The following HMMR variants were observed in gnomAD, a reference collection of about 807,000 sequenced individuals.
HMMR encodes the protein intracellular hyaluronic acid-binding protein.
HMMR carries 108 observed loss-of-function variants against 101.0 expected under a neutral mutation model. The ratio of observed to expected loss-of-function variants is 1.07; its 90% CI spans 0.92 to 1.25. HMMR has a LOEUF of 1.25. Ranked by LOEUF, HMMR falls within the 50% of genes most tolerant of loss-of-function variation. The pLI is 0.00. For synonymous variants in HMMR, 296 were observed against 276.4 expected (o/e 1.07, Z -0.70); for missense variants, 813 against 788.7 (o/e 1.03, Z -0.37).
At chr5:163,478,821 C>T (rs751984961) in intron 12 of HMMR, 21 bp downstream of exon 12, 1 of 1,307,300 alleles carries the variant, frequency 7.6e-7, no homozygotes, top group Non-Finnish European at 1.1e-6. Context: ...TGGGAGCCTG[C>T]ACTCTTAAAT....
chr5:163,465,820 A>C (rs1398869865), intron 3 of HMMR, among the ~76,000 whole-genome samples: 1 of 151,892 alleles, frequency 6.6e-6, no homozygotes, highest in Non-Finnish European at 1.5e-5. Context: ...AATGTGCTGG[A>C]CGTGGTGGCA....
intron 3 of HMMR, chr5:163,465,047 A>G: frequency 2.3e-6 from 1 of 435,188 alleles, no homozygotes; most frequent in Non-Finnish European, 4.1e-6. Flanking sequence ...CTATGTTTAA[A>G]TTGTTCATTA....
intron 7 of HMMR, among the ~76,000 whole-genome samples, chr5:163,471,978 C>T (rs1758905698): frequency 6.6e-6 from 1 of 152,088 alleles, no homozygotes; most frequent in South Asian, 2.1e-4. Flanking sequence ...GTCATGTCCC[C>T]ATCCCCATAA....
Position 163,463,968 on chromosome 5 carries a change from CCAA to C in HMMR, c.145+15_145+17del. On this transcript the variant is annotated intron_variant, in intron 2 of 17. Transcript: ENST00000393915. The stretch of plus-strand genomic sequence containing the variant: ...AACAACAAAAAGGTAATATAGATCA[CCAA>C]AGAACAATGGTTATGTGATCTTATA... The C allele has an allele frequency of 1.1e-6, 1 of 873,692 alleles. No homozygotes were observed. The highest frequency in any genetic ancestry group is 1.7e-6 in the Non-Finnish European group (1 of 582,980). The allele number at this position is 873,692 out of a possible 1,614,324, so 54.1% of individuals were successfully genotyped here. A position where few individuals can be genotyped will look rare whatever the true frequency, so the allele number is the denominator to read the frequency against.
At chr5:163,477,532 T>A (rs1249233419) in intron 11 of HMMR, among the ~76,000 whole-genome samples, 1 of 152,212 alleles carries the variant, frequency 6.6e-6, no homozygotes, top group African/African-American at 2.4e-5. Flanking sequence ...AGGGGTGTTG[T>A]TCTATACTAC....
At chr5:163,468,415 C>G (rs183455623) in intron 4 of HMMR, among the ~76,000 whole-genome samples, 21 of 152,324 alleles carry the variant, frequency 1.4e-4, no homozygotes, top group African/African-American at 4.6e-4. Flanking sequence ...AACCCATTTA[C>G]TTTCCTAGCA....
intron 7 of HMMR, among the ~76,000 whole-genome samples, chr5:163,472,054 A>T (rs299281): frequency 0.33 from 43,903 of 132,822 alleles, 6,680 homozygotes; most frequent in East Asian, 0.52. Context: ...ATTATTATTT[A>T]TTTTTTTTTT....
rs185833246 is a variant in HMMR at position 163,480,526 on chromosome 5, T to G, written c.1385+1726T>G. On this transcript the variant is annotated intron_variant, in intron 12 of 17. Transcript: ENST00000393915. ...GTTATTATTAGTTATTTTGTGACTA[T>G]AAGAATACATGTATGTAAGAATTTC... Among the ~76,000 whole-genome samples the G allele has an allele frequency of 1.2e-4, 18 of 152,294 alleles. No homozygotes were observed. The East Asian group carries it at 3.5e-3, about 29-fold the overall frequency.
intron 16 of HMMR, among the ~76,000 whole-genome samples, chr5:163,486,509 A>G (rs1309762461): frequency 6.6e-6 from 1 of 152,116 alleles, no homozygotes; most frequent in Non-Finnish European, 1.5e-5. Context: ...TTTTAGTTCT[A>G]ATAGTTTTTT....
At chr5:163,461,799 T>C (rs1160368574) in intron 1 of HMMR, among the ~76,000 whole-genome samples, 4 of 149,586 alleles carry the variant, frequency 2.7e-5, no homozygotes, top group African/African-American at 9.8e-5. Flanking sequence ...AAAAAAAAAA[T>C]GCTGTATGCT....
intron 16 of HMMR, among the ~76,000 whole-genome samples, chr5:163,490,031 G>A (rs1482241862): frequency 1.3e-5 from 2 of 152,184 alleles, no homozygotes; most frequent in Non-Finnish European, 2.9e-5. Context: ...TCAATTTTCA[G>A]AGGCTTTAAC....
rs1759041691 is a variant in HMMR, at chr5:163,475,577, A to G, written c.1173A>G (p.Gln391=). The part of the protein sequence containing the change: ...QTLDELDKLQ[Q]KEEQAERLVK... The stretch of plus-strand genomic sequence containing the variant: ...TGGATGAGCTTGATAAATTACAGCA[A>G]AAGGAGGAACAAGCTGAAAGGCTGG... The change falls in exon 11 of 18, where the codon CAA becomes CAG. Residue 391 remains glutamine, a synonymous_variant. Coordinates refer to ENST00000393915, the MANE Select transcript of HMMR (RefSeq NM_001142556.2). The G allele has an allele frequency of 6.2e-7, 1 of 1,612,866 alleles. No homozygotes were observed. Among genetic ancestry groups the G allele is most frequent in the Non-Finnish European group, 8.5e-7 (1 of 1,179,020 alleles).
chr5:163,469,691 T>C lies in HMMR; in HGVS notation c.324T>C (p.Asp108=). ...ERGAQDRRIQ[D]LETELEKMEA... is the part of the protein sequence containing the mutation. ...GTGCCCAGGACAGGCGGATCCAGGA[T>C]CTGGAAACTGAGTTGGAAAAGATGG... The change falls in exon 5 of 18, where the codon GAT becomes GAC. Residue 108 remains aspartate (D), a synonymous_variant. Transcript: ENST00000393915. 1 of 1,613,886 alleles carries C rather than the reference T, an allele frequency of 6.2e-7. No homozygotes were observed. Among genetic ancestry groups the C allele is most frequent in the African/African-American group, 1.3e-5 (1 of 74,976 alleles).
chr5:163,481,091 G>T (rs1759238705), intron 12 of HMMR, among the ~76,000 whole-genome samples: 1 of 151,870 alleles, frequency 6.6e-6, no homozygotes, highest in Non-Finnish European at 1.5e-5. Context: ...TGTGTGTGTA[G>T]CAATATAGGG....
chr5:163,473,349 T>C (rs1343556581), intron 8 of HMMR, 30 bp from the exon 9 acceptor site: 1 of 1,571,968 alleles, frequency 6.4e-7, no homozygotes. Context: ...TAAATAGATG[T>C]GCTTTTTAAG....
chr5:163,463,979 TG>T (rs1306600500), intron 2 of HMMR, 25 bp downstream of exon 2: 7 of 757,006 alleles, frequency 9.2e-6, no homozygotes, highest in Non-Finnish European at 1.4e-5. Flanking sequence ...CAAAGAACAA[TG>T]GTTATGTGAT....
In HMMR at chr5:163,463,922, T is replaced by G; in HGVS notation, c.113T>G (p.Phe38Cys). 1 of 1,447,872 alleles carries G rather than the reference T, an allele frequency of 6.9e-7. No individual in the cohort carries two copies. Among genetic ancestry groups the G allele is most frequent in the South Asian group, 1.4e-5 (1 of 70,442 alleles). The allele number at this position is 1,447,872 out of a possible 1,614,324, so 89.7% of individuals were successfully genotyped here. A position where few individuals can be genotyped will look rare whatever the true frequency, so the allele number is the denominator to read the frequency against. ...TLEVLKGPVS[F>C]QKSQRFKQQK... ...GAAGTATTGAAAGGACCAGTATCCT[T>G]TCAGAAATCACAAAGATTTAAACAA... is the stretch of plus-strand genomic sequence containing the variant. The change falls in exon 2 of 18, where the codon TTT (phenylalanine) becomes TGT (cysteine). Residue 38 changes from phenylalanine to cysteine, a missense_variant. By Grantham distance (205) the Phe-to-Cys change is radical. Coordinates refer to ENST00000393915, the MANE Select transcript of HMMR (RefSeq NM_001142556.2).
Position 163,467,744 on chromosome 5 carries a change from A to G in HMMR, c.269A>G (p.Lys90Arg). 6.6e-7 allele frequency: 1 copy of G among 1,508,964 alleles called. No homozygotes were observed. The highest frequency in any genetic ancestry group is 9.2e-7 in the Non-Finnish European group (1 of 1,088,292). 93.5% of individuals were successfully genotyped at this position (1,508,964 alleles called of 1,614,324 possible). Residue 90 changes from lysine to arginine, a missense_variant, in exon 4 of 18, where the codon AAA (lysine) becomes AGA (arginine). By Grantham distance (26) the Lys-to-Arg change is conservative (BLOSUM62 2). Transcript: ENST00000393915. ...GATAAAGATTTGAAGATATTAGAGA[A>G]AGAGGTAAGCAGTGCTTTAAACTTA... ...KNDKDLKILEKEIRVLLQERG... is the reference protein window; with the variant it reads ...KNDKDLKILEREIRVLLQERG...
At position 163,469,663 on chromosome 5, in the gene HMMR, G is replaced by A. The variant is rs753312489; in HGVS notation, c.296G>A (p.Arg99His). The A allele has an allele frequency of 2.7e-5, 44 of 1,612,996 alleles. No homozygotes were observed. The highest frequency in any genetic ancestry group is 2.0e-4 in the East Asian group (9 of 44,870). ...EKEIRVLLQE[R>H]GAQDRRIQDL... Reference sequence around the variant, plus strand: ...CAGATTCGTGTTCTTCTACAGGAACGTGGTGCCCAGGACAGGCGGATCCAG... The same window carrying A: ...CAGATTCGTGTTCTTCTACAGGAACATGGTGCCCAGGACAGGCGGATCCAG... Residue 99 changes from arginine to histidine, a missense_variant, in exon 5 of 18, where the codon CGT becomes CAT. Transcript: ENST00000393915.
Sources: allele counts gnomAD v4.1 joint callset (sites outside exome capture counted in the v4.1 genomes callset), GRCh38; gene constraint gnomAD v4.1.1; transcripts MANE v1.5; gene names NCBI Gene and HGNC (gene_info 2026-07-23, HGNC 2026-07-21).